Variants in RNF4 observed in about 807,000 individuals in gnomAD.
RNF4 encodes the protein E3 ubiquitin-protein ligase RNF4.
RNF4 carries 7 observed loss-of-function variants against 24.3 expected under a neutral mutation model. The observed-to-expected ratio is 0.29, with a 90% CI of 0.16 to 0.54. RNF4 has a LOEUF of 0.54. Ranked by LOEUF, RNF4 falls within the 20% of genes least tolerant of loss-of-function variation. RNF4 has a pLI of 0.95. For synonymous variants in RNF4, 83 were observed against 84.3 expected, an observed-to-expected ratio of 0.98 and a Z score of 0.09; for missense variants, 209 against 248.5, an observed-to-expected ratio of 0.84 and a Z score of 1.07.
At chr4:2,509,690 G>A (rs1293249573) in intron 4 of RNF4, among the ~76,000 whole-genome samples, 1 of 152,154 alleles carries the variant, frequency 6.6e-6, no homozygotes, top group Admixed American at 6.5e-5. Flanking sequence ...TGGGCTCAGT[G>A]CTCAGGACAG....
intron 4 of RNF4, chr4:2,505,976 A>G (rs566581872): frequency 6.6e-6 from 1 of 151,754 alleles, no homozygotes; most frequent in East Asian, 1.9e-4. Flanking sequence ...TAAATCACAC[A>G]ACACATTTTG....
At chr4:2,495,386 C>G (rs1172585688) in intron 2 of RNF4, among the ~76,000 whole-genome samples, 2 of 152,242 alleles carry the variant, frequency 1.3e-5, no homozygotes, top group African/African-American at 4.8e-5. Context: ...CAGATTGACC[C>G]TAGTAAGGCT....
Position 2,475,100 on chromosome 4 carries a change from A to G in RNF4, c.-158+5842A>G, listed in dbSNP as rs111791215. Among the ~76,000 whole-genome samples, 30 of 152,372 alleles carry G rather than the reference A, an allele frequency of 2.0e-4. 2 individuals are homozygous for G. Among genetic ancestry groups the G allele is most frequent in the African/African-American group, 7.2e-4 (30 of 41,594 alleles). Reference sequence around the variant, plus strand: ...CCACTGCCCTGATCCATGAGCAGCCATCATCAGGGCAAGACCCTTCACCAG... The same window carrying G: ...CCACTGCCCTGATCCATGAGCAGCCGTCATCAGGGCAAGACCCTTCACCAG... On this transcript the variant is annotated intron_variant, in intron 1 of 7. Coordinates refer to ENST00000314289, the MANE Select transcript of RNF4 (RefSeq NM_002938.5).
intron 2 of RNF4, among the ~76,000 whole-genome samples, chr4:2,495,162 C>T (rs1422614231): frequency 6.6e-6 from 1 of 152,190 alleles, no homozygotes; most frequent in African/African-American, 2.4e-5. Flanking sequence ...CTGGGCCCTC[C>T]TGGGGCTGGT....
intron 1 of RNF4, among the ~76,000 whole-genome samples, chr4:2,472,259 G>A (rs1734930155): frequency 6.6e-6 from 1 of 152,184 alleles, no homozygotes; most frequent in African/African-American, 2.4e-5. Flanking sequence ...TCTGTTTACA[G>A]TATGTTTTAC....
chr4:2,476,728 G>T (rs1446867318), intron 1 of RNF4, among the ~76,000 whole-genome samples: 8 of 145,178 alleles, frequency 5.5e-5, no homozygotes, highest in African/African-American at 2.1e-4. Context: ...TTTAATTTAA[G>T]AGAAGGTTGT....
At chr4:2,499,958 C>A (rs1735857270) in intron 3 of RNF4, among the ~76,000 whole-genome samples, 1 of 152,044 alleles carries the variant, frequency 6.6e-6, no homozygotes, top group South Asian at 2.1e-4. Context: ...AGTTCAAGAC[C>A]AGCCTGGCCA....
Position 2,512,445 on chromosome 4 carries a change from A to C in RNF4, c.222A>C (p.Arg74Ser). 2.5e-6 allele frequency: 4 copies of C among 1,610,152 alleles called. No homozygotes were observed. The highest frequency in any genetic ancestry group is 3.4e-6 in the Non-Finnish European group (4 of 1,178,232). The change falls in exon 6 of 8, where the codon AGA (arginine) becomes AGC (serine). Residue 74 changes from arginine to serine, a missense_variant. This residue lies in a region of RNF4 where 182 missense variants were observed against 197.2 expected (regional missense o/e 0.92). Transcript: ENST00000314289. The surrounding 1 kb of genome is among the most constrained non-coding windows in gnomAD (Gnocchi z 4.1). ...NDSVVIVDER[R>S]RPRRNARRLP... ...TGTGACCTCTTACCTTAGAAAGAAG[A>C]AGACCAAGGAGGAATGCTAGGAGGC...
intron 1 of RNF4, among the ~76,000 whole-genome samples, chr4:2,485,774 T>C (rs1313590259): frequency 6.6e-6 from 1 of 152,226 alleles, no homozygotes. Flanking sequence ...ATCTGCTTTG[T>C]GTAAGGTCTT....
intron 1 of RNF4, among the ~76,000 whole-genome samples, chr4:2,473,771 A>G (rs1368756068): frequency 6.6e-6 from 1 of 151,624 alleles, no homozygotes; most frequent in Non-Finnish European, 1.5e-5. Flanking sequence ...AGATCACACT[A>G]CTGCACTCCA....
At chr4:2,483,405 G>A (rs1314100389) in intron 1 of RNF4, among the ~76,000 whole-genome samples, 1 of 152,170 alleles carries the variant, frequency 6.6e-6, no homozygotes, top group Non-Finnish European at 1.5e-5. Flanking sequence ...ATTGCTGACC[G>A]CTTAACCACA....
intron 2 of RNF4, among the ~76,000 whole-genome samples, chr4:2,496,065 C>T (rs1283448992): frequency 5.9e-5 from 9 of 152,214 alleles, no homozygotes; most frequent in Admixed American, 5.9e-4. Context: ...GTGTCAGTTG[C>T]TTATCAACCA....
At chr4:2,479,758 C>T (rs1304238687) in intron 1 of RNF4, 1 of 152,178 alleles carries the variant, frequency 6.6e-6, no homozygotes, top group Non-Finnish European at 1.5e-5. Context: ...GCTGTACTGT[C>T]CCCCGTCCTG....
Position 2,478,816 on chromosome 4 carries a change from A to G in RNF4, c.-158+9558A>G, listed in dbSNP as rs371708162. On this transcript the variant is annotated intron_variant, in intron 1 of 7. Transcript: ENST00000314289. ...GGGAAATGTGGGGTTGGAGCCCCCAAGCAGAGTCCCTACTGGAGCACCACC... is the reference window on the plus strand; with the variant it reads ...GGGAAATGTGGGGTTGGAGCCCCCAGGCAGAGTCCCTACTGGAGCACCACC... Among the ~76,000 whole-genome samples, 110 of 152,344 alleles carry G rather than the reference A, an allele frequency of 7.2e-4. 1 individual carries two copies. The South Asian group carries it at 0.02, about 28-fold the overall frequency.
At chr4:2,510,045 G>T (rs1219365511) in intron 4 of RNF4, among the ~76,000 whole-genome samples, 1 of 152,166 alleles carries the variant, frequency 6.6e-6, no homozygotes, top group Admixed American at 6.5e-5. Context: ...TTGACTGATT[G>T]TCCCCAGATT....
intron 1 of RNF4, among the ~76,000 whole-genome samples, chr4:2,474,314 G>A (rs1265971530): frequency 6.6e-6 from 1 of 151,170 alleles, no homozygotes; most frequent in Non-Finnish European, 1.5e-5. Context: ...GGAGGCAGAG[G>A]TTGCAGCGAG....
At chr4:2,488,676 C>T (rs1735488746) in intron 1 of RNF4, among the ~76,000 whole-genome samples, 1 of 152,174 alleles carries the variant, frequency 6.6e-6, no homozygotes, top group South Asian at 2.1e-4. Flanking sequence ...CTTGTAATAA[C>T]TTCTGGAATC....
chr4:2,494,174 A>AT (rs966007293), intron 2 of RNF4, among the ~76,000 whole-genome samples: 2 of 151,850 alleles, frequency 1.3e-5, no homozygotes, highest in African/African-American at 2.4e-5. Context: ...CGTAAATTCA[A>AT]TTTTTTTTAG....
intron 1 of RNF4, among the ~76,000 whole-genome samples, chr4:2,484,447 G>C (rs915046880): frequency 6.6e-6 from 1 of 151,998 alleles, no homozygotes; most frequent in East Asian, 1.9e-4. Context: ...ATGTATGATA[G>C]AGACACATGC....
Sources: gnomAD v4.1 joint callset for allele counts (sites outside exome capture counted in the v4.1 genomes callset) on GRCh38, gnomAD v4.1.1 for gene constraint, gnomAD v4.1.1 regional missense constraint, Gnocchi (gnomAD v3.1) non-coding constraint, MANE v1.5 for transcripts, NCBI Gene and HGNC (gene_info 2026-07-23, HGNC 2026-07-21) for gene names.